C8orf34: variants seen among roughly 807,000 people sequenced by gnomAD.
The protein encoded by C8orf34 is uncharacterized protein C8orf34.
In C8orf34, 65 loss-of-function variants were observed where a neutral mutation model predicts 68.3. The ratio of observed to expected loss-of-function variants is 0.95; its 90% CI spans 0.78 to 1.17. The LOEUF (loss-of-function observed/expected upper bound fraction) is 1.17. Ranked by LOEUF, C8orf34 falls within the 50% of genes most tolerant of loss-of-function variation. C8orf34 has a pLI of 0.00. For missense variants in C8orf34, 664 were observed against 655.4 expected (o/e 1.01, Z -0.14); for synonymous variants, 244 against 241.2 (o/e 1.01, Z -0.11).
chr8:68,806,881 A>G (rs993495063), intron 12 of C8orf34, among the ~76,000 whole-genome samples: 1 of 152,188 alleles, frequency 6.6e-6, no homozygotes, highest in African/African-American at 2.4e-5. Flanking sequence ...CTCAACAAGG[A>G]GGCTCATGCC....
At chr8:68,808,498 T>A (rs1039199836) in intron 12 of C8orf34, among the ~76,000 whole-genome samples, 1 of 151,872 alleles carries the variant, frequency 6.6e-6, no homozygotes, top group African/African-American at 2.4e-5. Context: ...GCAATCAGCC[T>A]GCTGTATCTA....
chr8:68,503,258 T>A (rs1813856072), intron 5 of C8orf34, among the ~76,000 whole-genome samples: 1 of 152,216 alleles, frequency 6.6e-6, no homozygotes, highest in Admixed American at 6.5e-5. Context: ...ATTATTGTTA[T>A]CTATGTTAAT....
chr8:68,564,646 C>G (rs1312459134), intron 7 of C8orf34, among the ~76,000 whole-genome samples: 1 of 152,178 alleles, frequency 6.6e-6, no homozygotes, highest in East Asian at 1.9e-4. Flanking sequence ...CTTGTCCTTC[C>G]TCCTGGTTTG....
intron 3 of C8orf34, among the ~76,000 whole-genome samples, chr8:68,459,377 G>A (rs149939695): frequency 2.4e-3 from 366 of 152,082 alleles, no homozygotes; most frequent in African/African-American, 7.8e-3. Context: ...CTACAGGTGC[G>A]TGCCACCACG....
chr8:68,331,191 G>A lies in C8orf34; in HGVS notation c.179G>A (p.Gly60Asp), dbSNP rs376704455. 2 of 1,534,624 alleles carry A rather than the reference G, an allele frequency of 1.3e-6. No individual in the cohort carries two copies. The change falls in exon 1 of 14, where the codon GGT (glycine) becomes GAT (aspartate). Residue 60 changes from glycine to aspartate, a missense_variant. Coordinates refer to ENST00000518698, the MANE Select transcript of C8orf34 (RefSeq NM_052958.4). ...LRSSCPGPSP[G>D]KRRVVPSGGA... is the part of the protein sequence containing the mutation. The stretch of plus-strand genomic sequence containing the variant: ...AGCTCCTGTCCCGGCCCCAGTCCGG[G>A]TAAAAGGAGGGTTGTCCCCAGCGGA...
chr8:68,453,420 C>A (rs967080048), intron 3 of C8orf34, among the ~76,000 whole-genome samples: 2 of 151,938 alleles, frequency 1.3e-5, no homozygotes, highest in African/African-American at 4.8e-5. Context: ...GTAATGTCTT[C>A]ATTTATTTAG....
intron 7 of C8orf34, among the ~76,000 whole-genome samples, chr8:68,614,092 G>T (rs1818114867): frequency 6.6e-6 from 1 of 152,138 alleles, no homozygotes; most frequent in Non-Finnish European, 1.5e-5. Context: ...TTCTTCTTTT[G>T]AGAAGTGTCT....
At chr8:68,658,444 C>T (rs1819574216) in intron 8 of C8orf34, among the ~76,000 whole-genome samples, 2 of 152,110 alleles carry the variant, frequency 1.3e-5, no homozygotes, top group African/African-American at 2.4e-5. Flanking sequence ...TCTGCAAACT[C>T]TTAAGTTCTT....
intron 12 of C8orf34, among the ~76,000 whole-genome samples, chr8:68,794,149 C>T (rs1018692773): frequency 2.0e-5 from 3 of 151,638 alleles, no homozygotes; most frequent in East Asian, 1.9e-4. Context: ...TTTTTGATTT[C>T]GGAATTTTTT....
chr8:68,462,125 G>A (rs1682535658), intron 3 of C8orf34, among the ~76,000 whole-genome samples: 2 of 151,864 alleles, frequency 1.3e-5, no homozygotes, highest in Non-Finnish European at 2.9e-5. Context: ...AACAAAAAAA[G>A]GCAGGGGTTG....
chr8:68,741,650 C>T (rs1270461101), intron 10 of C8orf34, among the ~76,000 whole-genome samples: 1 of 152,138 alleles, frequency 6.6e-6, no homozygotes, highest in Non-Finnish European at 1.5e-5. Flanking sequence ...GGCAACCATC[C>T]TTCAACTCTT....
chr8:68,721,982 C>T (rs990244573), intron 10 of C8orf34, among the ~76,000 whole-genome samples: 4 of 151,846 alleles, frequency 2.6e-5, no homozygotes, highest in African/African-American at 4.8e-5. Context: ...CTAATGCAAT[C>T]GCTTTATCTT....
intron 1 of C8orf34, among the ~76,000 whole-genome samples, chr8:68,382,904 C>G (rs1808103050): frequency 6.6e-6 from 1 of 152,114 alleles, no homozygotes; most frequent in Non-Finnish European, 1.5e-5. Flanking sequence ...TACTTTGCAT[C>G]CGTGCACTGG....
At chr8:68,645,442 A>G (rs776801766) in intron 8 of C8orf34, among the ~76,000 whole-genome samples, 2 of 152,128 alleles carry the variant, frequency 1.3e-5, no homozygotes, top group Non-Finnish European at 2.9e-5. Flanking sequence ...CATTTTCCTG[A>G]CATTGAGTGT....
intron 12 of C8orf34, among the ~76,000 whole-genome samples, chr8:68,806,081 T>C (rs1824473320): frequency 6.6e-6 from 1 of 152,122 alleles, no homozygotes; most frequent in Non-Finnish European, 1.5e-5. Flanking sequence ...GGTCCTTTTA[T>C]ATTTTAGCTT....
In C8orf34 at chr8:68,336,455, T is replaced by C. The variant is rs148044713; in HGVS notation, c.327+5116T>C. Among the ~76,000 whole-genome samples the C allele has an allele frequency of 2.6e-3, 400 of 152,314 alleles. 1 individual carries two copies. The highest frequency in any genetic ancestry group is 8.7e-3 in the African/African-American group (360 of 41,570). The stretch of plus-strand genomic sequence containing the variant: ...AAGTCAGCCTTCTTACTGATGGACA[T>C]AGGAGTCACAGAGATAGTATAGGGA... On this transcript the variant is annotated intron_variant, in intron 1 of 13. Coordinates refer to ENST00000518698, the MANE Select transcript of C8orf34 (RefSeq NM_052958.4).
At chr8:68,544,187 A>C (rs1466468651) in intron 7 of C8orf34, among the ~76,000 whole-genome samples, 1 of 152,174 alleles carries the variant, frequency 6.6e-6, no homozygotes, top group African/African-American at 2.4e-5. Context: ...GGATGCTCTT[A>C]CAAGAGCAGG....
chr8:68,387,536 G>A (rs1808310507), intron 1 of C8orf34, among the ~76,000 whole-genome samples: 1 of 152,130 alleles, frequency 6.6e-6, no homozygotes, highest in South Asian at 2.1e-4. Flanking sequence ...ACAAATAGAG[G>A]AAGAAGGAGC....
intron 7 of C8orf34, among the ~76,000 whole-genome samples, chr8:68,538,571 C>T (rs1484619731): frequency 6.6e-6 from 1 of 151,448 alleles, no homozygotes; most frequent in African/African-American, 2.4e-5. Context: ...TCCTTGAACC[C>T]AGATACATTT....
Sources: allele counts gnomAD v4.1 joint callset (sites outside exome capture counted in the v4.1 genomes callset), GRCh38; gene constraint gnomAD v4.1.1; transcripts MANE v1.5; gene names NCBI Gene and HGNC (gene_info 2026-07-23, HGNC 2026-07-21).